The following CFAP299 variants were observed in gnomAD, a reference collection of about 807,000 sequenced individuals.
CFAP299 encodes cilia and flagella associated protein 299.
Under a neutral mutation model 27.0 loss-of-function variants are expected in CFAP299, and 21 were observed. That is an observed-to-expected ratio of 0.78 (90% confidence interval 0.55 to 1.12). The LOEUF (loss-of-function observed/expected upper bound fraction) is 1.12. CFAP299 is among the 50% of genes most tolerant of loss of function. The pLI, the probability that CFAP299 is intolerant of heterozygous loss-of-function variation, is 0.00. For missense variants in CFAP299, 310 were observed against 276.6 expected (o/e 1.12, Z -0.86); for synonymous variants, 104 against 98.1 (o/e 1.06, Z -0.36).
chr4:80,369,197 C>T (rs1445743149), intron 2 of CFAP299, among the ~76,000 whole-genome samples: 1 of 152,222 alleles, frequency 6.6e-6, no homozygotes, highest in East Asian at 1.9e-4. Flanking sequence ...AAGCTCCTCA[C>T]AGCTGGCAGA....
chr4:80,407,763 C>T (rs1726506760), intron 2 of CFAP299, among the ~76,000 whole-genome samples: 1 of 152,168 alleles, frequency 6.6e-6, no homozygotes, highest in African/African-American at 2.4e-5. Flanking sequence ...TTTACCTCCA[C>T]AAATTAACCA....
intron 5 of CFAP299, among the ~76,000 whole-genome samples, chr4:80,953,440 T>A (rs1560491262): frequency 6.6e-6 from 1 of 152,174 alleles, no homozygotes; most frequent in South Asian, 2.1e-4. Flanking sequence ...ACCTGGTATA[T>A]CTGAACTGAA....
chr4:80,578,871 G>A (rs1292832906), intron 2 of CFAP299, among the ~76,000 whole-genome samples: 1 of 152,068 alleles, frequency 6.6e-6, no homozygotes, highest in Non-Finnish European at 1.5e-5. Flanking sequence ...ATTCATTTTA[G>A]TTATGTAAGT....
intron 3 of CFAP299, among the ~76,000 whole-genome samples, chr4:80,684,376 G>T (rs1720044705): frequency 6.6e-6 from 1 of 151,924 alleles, no homozygotes; most frequent in African/African-American, 2.4e-5. Flanking sequence ...CCATTCTCCT[G>T]CCTCAGCCTC....
At chr4:80,917,514 C>G (rs370782142) in intron 4 of CFAP299, among the ~76,000 whole-genome samples, 2 of 152,206 alleles carry the variant, frequency 1.3e-5, no homozygotes, top group East Asian at 3.9e-4. Context: ...ATTACTTACA[C>G]AAGTATTGGA....
intron 1 of CFAP299, among the ~76,000 whole-genome samples, chr4:80,357,353 G>A (rs1321149548): frequency 1.3e-5 from 2 of 151,400 alleles, no homozygotes; most frequent in Non-Finnish European, 3.0e-5. Context: ...TGGCCTTGTG[G>A]GATGAGTTAG....
Position 80,944,899 on chromosome 4 carries a change from G to T in CFAP299, c.566G>T (p.Arg189Ile). The part of the protein sequence containing the change: ...IADNPEGLLF[R>I]YKRDRKILNV... ...GATAATCCAGAAGGCTTACTTTTCA[G>T]ATACAAAAGAGACAGAAAAATTCTT... Residue 189 changes from arginine (R) to isoleucine (I), a missense_variant, in exon 5 of 6, where the codon AGA (arginine) becomes ATA (isoleucine). Arg to Ile is a moderately conservative substitution (Grantham distance 97). Coordinates refer to ENST00000358105, the MANE Select transcript of CFAP299 (RefSeq NM_152770.3). 6.2e-7 allele frequency: 1 copy of T among 1,612,990 alleles called. No individual in the cohort carries two copies. The highest frequency in any genetic ancestry group is 8.5e-7 in the Non-Finnish European group (1 of 1,179,348).
At chr4:80,358,307 C>T (rs1253546795) in intron 1 of CFAP299, among the ~76,000 whole-genome samples, 3 of 151,960 alleles carry the variant, frequency 2.0e-5, no homozygotes, top group Admixed American at 1.3e-4. Context: ...GAAGAACATA[C>T]GTTCTGTTAT....
At position 80,647,367 on chromosome 4, in the gene CFAP299, A is replaced by G. The variant is rs1740076992; in HGVS notation, c.333+64184A>G. On this transcript the variant is annotated intron_variant, in intron 3 of 5. Transcript: ENST00000358105. ...CATTGTAGTCATTTGAAAAATATCA[A>G]GTAATGTTTTAATGGCAAGTAGTAA... is the stretch of plus-strand genomic sequence containing the variant. Among the ~76,000 whole-genome samples the G allele has an allele frequency of 1.1e-4, 17 of 152,304 alleles. No individual in the cohort carries two copies. In the South Asian group the frequency reaches 3.5e-3, roughly 32 times the overall value.
intron 4 of CFAP299, among the ~76,000 whole-genome samples, chr4:80,907,123 C>T (rs1735223604): frequency 6.6e-6 from 1 of 152,146 alleles, no homozygotes; most frequent in African/African-American, 2.4e-5. Context: ...TCCCACAGAC[C>T]TCTAGGGCAG....
chr4:80,961,766 C>A (rs73831228), intron 5 of CFAP299, among the ~76,000 whole-genome samples: 4 of 151,668 alleles, frequency 2.6e-5, no homozygotes, highest in Admixed American at 6.6e-5. Flanking sequence ...TCCTGATGGG[C>A]GCAAGAGTCT....
intron 2 of CFAP299, among the ~76,000 whole-genome samples, chr4:80,402,110 A>G (rs186233008): frequency 3.9e-5 from 6 of 152,254 alleles, no homozygotes; most frequent in Admixed American, 2.0e-4. Flanking sequence ...CTTGCTTTTG[A>G]TTTTACAGGC....
intron 3 of CFAP299, among the ~76,000 whole-genome samples, chr4:80,752,413 T>TAC (rs947234306): frequency 6.8e-6 from 1 of 146,128 alleles, no homozygotes; most frequent in African/African-American, 2.5e-5. Context: ...TATATATATA[T>TAC]ATACACATAT....
intron 3 of CFAP299, among the ~76,000 whole-genome samples, chr4:80,658,946 T>C (rs1383461364): frequency 1.3e-5 from 2 of 152,058 alleles, no homozygotes; most frequent in Non-Finnish European, 2.9e-5. Context: ...TTTTCCACAG[T>C]AAAAATGAAA....
At chr4:80,443,460 G>C (rs901880055) in intron 2 of CFAP299, among the ~76,000 whole-genome samples, 1 of 152,084 alleles carries the variant, frequency 6.6e-6, no homozygotes, top group Admixed American at 6.6e-5. Context: ...TGCAGAAAAG[G>C]CCTTCGATAA....
intron 2 of CFAP299, among the ~76,000 whole-genome samples, chr4:80,374,323 C>T (rs1724297093): frequency 6.6e-6 from 1 of 152,002 alleles, no homozygotes; most frequent in Admixed American, 6.6e-5. Flanking sequence ...CTTATCAGAC[C>T]TACCATGTCC....
At chr4:80,334,870 T>A (rs552129871), upstream of CFAP299, among the ~76,000 whole-genome samples, 1 of 152,280 alleles carries the variant, frequency 6.6e-6, no homozygotes, top group South Asian at 2.1e-4. Flanking sequence ...TCTGTGAAAA[T>A]CTTCAAGATG....
intron 1 of CFAP299, among the ~76,000 whole-genome samples, chr4:80,343,677 T>C (rs1722578296): frequency 6.6e-6 from 1 of 151,558 alleles, no homozygotes; most frequent in African/African-American, 2.4e-5. Context: ...TAGTCCCAGC[T>C]ACTCGGGAGG....
chr4:80,365,183 A>C (rs1482331154), intron 2 of CFAP299, among the ~76,000 whole-genome samples: 6 of 152,118 alleles, frequency 3.9e-5, no homozygotes, highest in Admixed American at 3.9e-4. Flanking sequence ...ATTGGCAAAC[A>C]ATGGTTGAAT....
Sources: gnomAD v4.1 joint callset for allele counts (sites outside exome capture counted in the v4.1 genomes callset) on GRCh38, gnomAD v4.1.1 for gene constraint, MANE v1.5 for transcripts, NCBI Gene and HGNC (gene_info 2026-07-23, HGNC 2026-07-21) for gene names.